SLC7A1: variants seen among roughly 807,000 people sequenced by gnomAD.
The protein encoded by SLC7A1 is high affinity cationic amino acid transporter 1.
SLC7A1 carries 10 observed loss-of-function variants against 53.9 expected under a neutral mutation model. The ratio of observed to expected loss-of-function variants is 0.19; its 90% CI spans 0.11 to 0.31. The LOEUF (loss-of-function observed/expected upper bound fraction) is 0.31, where lower values mean the gene tolerates loss of function less well. SLC7A1 is among the 10% of genes least tolerant of loss of function. The pLI is 1.00. For synonymous variants in SLC7A1, 342 were observed against 338.7 expected (o/e 1.01, Z -0.11); for missense variants, 525 against 827.2 (o/e 0.63, Z 4.48).
chr13:29,524,805 G>A (rs887554486), intron 5 of SLC7A1, among the ~76,000 whole-genome samples: 11 of 152,218 alleles, frequency 7.2e-5, no homozygotes, highest in South Asian at 2.1e-4. Flanking sequence ...TGTGGGGCCC[G>A]GGCACAGCTG....
intron 2 of SLC7A1, 105 bp from the exon 3 acceptor site, chr13:29,536,307 T>C: frequency 1.3e-5 from 15 of 1,178,538 alleles, no homozygotes; most frequent in Non-Finnish European, 1.8e-5. Flanking sequence ...TCCTTCATAA[T>C]CATTTCCTGC....
At chr13:29,553,029 T>A (rs942145331) in intron 2 of SLC7A1, among the ~76,000 whole-genome samples, 1 of 152,086 alleles carries the variant, frequency 6.6e-6, no homozygotes, top group Non-Finnish European at 1.5e-5. Flanking sequence ...ACCGCCCCCC[T>A]GCCCCACTTG....
rs538425160 is a variant in SLC7A1, at chr13:29,521,609, T to C, written c.1189+708A>G. Among the ~76,000 whole-genome samples, 4 of 152,318 alleles carry C rather than the reference T, an allele frequency of 2.6e-5. No homozygotes were observed. In the East Asian group the frequency reaches 5.8e-4, roughly 22 times the overall value. On this transcript the variant is annotated intron_variant, in intron 8 of 12. Transcript: ENST00000380752. Reference sequence around the variant, plus strand: ...GGCGGGCGTCTGCCTCTCGGGGCTATGAAATGCAATCGCGAAAGGAGGAGA... The same window carrying C: ...GGCGGGCGTCTGCCTCTCGGGGCTACGAAATGCAATCGCGAAAGGAGGAGA...
intron 1 of SLC7A1, among the ~76,000 whole-genome samples, chr13:29,556,915 G>A (rs998240418): frequency 4.6e-5 from 7 of 152,152 alleles, no homozygotes; most frequent in African/African-American, 1.7e-4. Context: ...CCACAGTAAC[G>A]CTTGCTCCAG....
chr13:29,565,224 T>A (rs1412247545), intron 1 of SLC7A1, among the ~76,000 whole-genome samples: 1 of 152,214 alleles, frequency 6.6e-6, no homozygotes, highest in African/African-American at 2.4e-5. Flanking sequence ...AATACAGACC[T>A]TTCCAGTGAG....
At position 29,591,253 on chromosome 13, in the gene SLC7A1, C is replaced by T. The variant is rs554955211; in HGVS notation, c.-115+4163G>A. ...TAACATGGATTATCTCATTTAAATC[C>T]TCTCAGTCCTATAAAGTAGGCACTA... On this transcript the variant is annotated intron_variant, in intron 1 of 12. Transcript: ENST00000380752. Among the ~76,000 whole-genome samples, 19 of 152,264 alleles carry T rather than the reference C, an allele frequency of 1.2e-4. No homozygotes were observed. In the South Asian group the frequency reaches 3.7e-3, roughly 30 times the overall value.
intron 2 of SLC7A1, among the ~76,000 whole-genome samples, chr13:29,543,117 TG>T (rs1356191980): frequency 1.3e-5 from 2 of 151,922 alleles, no homozygotes; most frequent in African/African-American, 4.8e-5. Flanking sequence ...CACAGAGTGG[TG>T]GGGTTGCGGG....
chr13:29,550,288 G>A (rs969980112), intron 2 of SLC7A1, among the ~76,000 whole-genome samples: 2 of 152,246 alleles, frequency 1.3e-5, no homozygotes, highest in Admixed American at 6.5e-5. Context: ...CATGCTGGCT[G>A]CAAGGGTAAA....
chr13:29,521,347 G>A (rs1566253735), intron 8 of SLC7A1, among the ~76,000 whole-genome samples: 1 of 152,176 alleles, frequency 6.6e-6, no homozygotes, highest in Non-Finnish European at 1.5e-5. Context: ...TTGACAAGTC[G>A]CTGTGTTAGA....
At chr13:29,593,677 T>C (rs1872196130) in intron 1 of SLC7A1, among the ~76,000 whole-genome samples, 1 of 152,206 alleles carries the variant, frequency 6.6e-6, no homozygotes, top group South Asian at 2.1e-4. Context: ...AATCAACACG[T>C]ATTTAATTCC....
chr13:29,519,643 G>A lies in SLC7A1; in HGVS notation c.1190-94C>T, dbSNP rs547056101. On this transcript the variant is annotated intron_variant, in intron 8 of 12. Transcript: ENST00000380752. ...GCCGCCCACCATCCAGGGCAGCGAA[G>A]GGGGCTGCTTTTACTCCCACCCCCT... 8.2e-6 allele frequency: 6 copies of A among 734,530 alleles called. No homozygotes were observed. The African/African-American group carries it at 1.0e-4, about 13-fold the overall frequency. The allele number at this position is 734,530 out of a possible 1,614,324, so 45.5% of individuals were successfully genotyped here.
intron 8 of SLC7A1, among the ~76,000 whole-genome samples, chr13:29,520,400 G>A (rs1202195277): frequency 6.6e-6 from 1 of 152,132 alleles, no homozygotes; most frequent in East Asian, 1.9e-4. Flanking sequence ...CCAGGCAGGC[G>A]GGCAGGAGAG....
chr13:29,519,347 C>A (rs1868515226), intron 9 of SLC7A1, 100 bp downstream of exon 9: 1 of 700,648 alleles, frequency 1.4e-6, no homozygotes, highest in African/African-American at 1.8e-5. Context: ...CTATCACCAA[C>A]CTAAAAGTTT....
Position 29,522,443 on chromosome 13 carries a change from T to C in SLC7A1, c.1063A>G (p.Met355Val). The C allele has an allele frequency of 6.2e-7, 1 of 1,614,074 alleles. No individual in the cohort carries two copies. Among genetic ancestry groups the C allele is most frequent in the Admixed American group, 1.7e-5 (1 of 60,018 alleles). ...TAGATAACCCGAGGCATGGGAAACA[T>C]GGAACCTAGAAGACTAGATGGGGAG... ...CALSASLLGS[M>V]FPMPRVIYAM... Residue 355 changes from methionine to valine, a missense_variant, in exon 8 of 13, where the codon ATG becomes GTG. By Grantham distance (21) the Met-to-Val change is conservative. Transcript: ENST00000380752.
chr13:29,541,472 G>A (rs1310482612), intron 2 of SLC7A1, among the ~76,000 whole-genome samples: 1 of 152,134 alleles, frequency 6.6e-6, no homozygotes, highest in Non-Finnish European at 1.5e-5. Context: ...CTGGTACAAT[G>A]GTAGACCACA....
At chr13:29,530,798 C>A in intron 4 of SLC7A1, 86 bp from the exon 5 acceptor site, 1 of 1,129,346 alleles carries the variant, frequency 8.9e-7, no homozygotes, top group Admixed American at 2.0e-5. Flanking sequence ...AAGAAGGCGA[C>A]TGAAAAAGAA....
chr13:29,543,021 T>C (rs1869736374), intron 2 of SLC7A1, among the ~76,000 whole-genome samples: 2 of 152,200 alleles, frequency 1.3e-5, no homozygotes, highest in Admixed American at 6.5e-5. Context: ...CCAAAGTGAC[T>C]GATCCCATGC....
chr13:29,594,832 C>A (rs973497950), intron 1 of SLC7A1, among the ~76,000 whole-genome samples: 1 of 152,150 alleles, frequency 6.6e-6, no homozygotes, highest in African/African-American at 2.4e-5. Flanking sequence ...TAGGTCAGGG[C>A]GGCCACCGGG....
In SLC7A1 at chr13:29,513,789, G is replaced by A. The variant is rs1455975892; in HGVS notation, c.*691C>T. 1 of 152,378 alleles carries A rather than the reference G, an allele frequency of 6.6e-6. No homozygotes were observed. The highest frequency in any genetic ancestry group is 1.5e-5 in the Non-Finnish European group (1 of 68,130). The allele number at this position is 152,378 out of a possible 1,614,324, so 9.4% of individuals were successfully genotyped here. ...TGCATAAGCAAAGCAGGCCCTAATG[G>A]GAGTGATCCCTTCTTCCTCATTTGA... On this transcript the variant is annotated 3_prime_UTR_variant, in exon 13 of 13. Transcript: ENST00000380752.
Sources: gnomAD v4.1 joint callset for allele counts (sites outside exome capture counted in the v4.1 genomes callset) on GRCh38, gnomAD v4.1.1 for gene constraint, MANE v1.5 for transcripts, NCBI Gene and HGNC (gene_info 2026-07-23, HGNC 2026-07-21) for gene names.